DNAH7: variants seen among roughly 807,000 people sequenced by gnomAD.
The protein encoded by DNAH7 is dynein axonemal heavy chain 7, also known as axonemal beta dynein heavy chain 7.
DNAH7 carries 397 observed loss-of-function variants against 444.6 expected under a neutral mutation model. That is an observed-to-expected ratio of 0.89 (90% CI 0.82 to 0.97). The LOEUF is 0.97. Ranked by LOEUF, DNAH7 falls within the 50% of genes least tolerant of loss-of-function variation. DNAH7 has a pLI of 0.00. For missense variants in DNAH7, 4,902 were observed against 4,800.8 expected (o/e 1.02, Z -0.62); for synonymous variants, 1,636 against 1,624.4 (o/e 1.01, Z -0.17).
At chr2:195,745,419 G>T (rs1194217895) in intron 63 of DNAH7, among the ~76,000 whole-genome samples, 1 of 152,178 alleles carries the variant, frequency 6.6e-6, no homozygotes, top group Non-Finnish European at 1.5e-5. Context: ...GAACCAAGTT[G>T]GAAAACACTC....
At chr2:195,945,675 C>T (rs777384451) in intron 19 of DNAH7, among the ~76,000 whole-genome samples, 7 of 151,882 alleles carry the variant, frequency 4.6e-5, no homozygotes, top group Non-Finnish European at 8.8e-5. Flanking sequence ...ACATTTACTA[C>T]AGTAAAGAAA....
chr2:196,037,863 T>C (rs1696492720), intron 5 of DNAH7, among the ~76,000 whole-genome samples: 1 of 151,974 alleles, frequency 6.6e-6, no homozygotes, highest in Non-Finnish European at 1.5e-5. Context: ...AGAAGAGATA[T>C]AAACATCTAG....
intron 5 of DNAH7, among the ~76,000 whole-genome samples, chr2:196,030,797 C>T (rs557649083): frequency 6.6e-6 from 1 of 152,350 alleles, no homozygotes; most frequent in East Asian, 1.9e-4. Flanking sequence ...GGTGGGTTCC[C>T]ATGGTCTTGG....
intron 57 of DNAH7, among the ~76,000 whole-genome samples, chr2:195,792,973 A>T (rs1216699135): frequency 1.3e-5 from 2 of 152,120 alleles, no homozygotes; most frequent in African/African-American, 4.8e-5. Flanking sequence ...TCTGTCACCC[A>T]GGCTGGAGTG....
chr2:195,756,983 C>T (rs762965602), intron 61 of DNAH7, among the ~76,000 whole-genome samples: 138 of 151,428 alleles, frequency 9.1e-4, no homozygotes, highest in Non-Finnish European at 1.8e-3. Context: ...CAAAGTGAGA[C>T]CCTGTCTCAA....
chr2:195,874,231 A>G (rs536975718), intron 38 of DNAH7, among the ~76,000 whole-genome samples: 2 of 152,254 alleles, frequency 1.3e-5, no homozygotes, highest in African/African-American at 4.8e-5. Context: ...GGCTGCTTGC[A>G]TCTTTAAAAA....
At chr2:195,838,056 A>G (rs1373568950) in intron 47 of DNAH7, among the ~76,000 whole-genome samples, 2 of 152,210 alleles carry the variant, frequency 1.3e-5, no homozygotes, top group Non-Finnish European at 2.9e-5. Context: ...AGCATATCAG[A>G]GGCTTTAAAC....
chr2:195,849,855 A>G (rs1559143240), intron 46 of DNAH7, among the ~76,000 whole-genome samples: 2 of 152,130 alleles, frequency 1.3e-5, no homozygotes, highest in Admixed American at 1.3e-4. Context: ...GGCACACCTC[A>G]GCCTCCCAAC....
chr2:195,855,828 C>A lies in DNAH7; in HGVS notation c.8578G>T (p.Ala2860Ser), dbSNP rs974806780. 1.9e-6 allele frequency: 3 copies of A among 1,613,294 alleles called. No individual in the cohort carries two copies. Among genetic ancestry groups the A allele is most frequent in the Non-Finnish European group, 8.5e-7 (1 of 1,179,670 alleles). ...DTLELNKQKK[A>S]DLENQVDLCS... ...GCACACACCTGGTTTTCCAGGTCAG[C>A]CTTCTTTTGTTTATTTAATTCAAGT... is the stretch of plus-strand genomic sequence containing the variant. The change falls in exon 45 of 65, where the codon GCT becomes TCT. Residue 2860 changes from alanine (A) to serine (S), a missense_variant. Ala to Ser is a moderately conservative substitution (Grantham distance 99, BLOSUM62 1). Coordinates refer to ENST00000312428, the MANE Select transcript of DNAH7 (RefSeq NM_018897.3).
intron 19 of DNAH7, among the ~76,000 whole-genome samples, chr2:195,943,250 C>G (rs1324881644): frequency 6.6e-6 from 1 of 152,124 alleles, no homozygotes; most frequent in Non-Finnish European, 1.5e-5. Flanking sequence ...CGAACATACA[C>G]AGATAGAGCA....
At position 195,817,795 on chromosome 2, in the gene DNAH7, C is replaced by T; in HGVS notation, c.9326G>A (p.Gly3109Glu). 1 of 1,607,666 alleles carries T rather than the reference C, an allele frequency of 6.2e-7. No homozygotes were observed. Among genetic ancestry groups the T allele is most frequent in the Non-Finnish European group, 8.5e-7 (1 of 1,177,860 alleles). The part of the protein sequence containing the change: ...TLLNFMITPE[G>E]MQDQLLGIVV... Reference sequence around the variant, plus strand: ...AATTCCCAGAAGCTGATCTTGCATTCCCTCAGGGGTTATCATGAAGTTTAA... The same window carrying T: ...AATTCCCAGAAGCTGATCTTGCATTTCCTCAGGGGTTATCATGAAGTTTAA... The change falls in exon 50 of 65, where the codon GGA becomes GAA. Residue 3109 changes from glycine to glutamate, a missense_variant. By Grantham distance (98) the Gly-to-Glu change is moderately conservative (BLOSUM62 -2). Transcript: ENST00000312428.
chr2:195,958,173 TC>T (rs1211693019), intron 18 of DNAH7, among the ~76,000 whole-genome samples: 1 of 151,872 alleles, frequency 6.6e-6, no homozygotes, highest in African/African-American at 2.4e-5. Context: ...TAACACCCTC[TC>T]CCCCTCTTCT....
At chr2:195,952,624 G>A (rs538835516) in intron 19 of DNAH7, among the ~76,000 whole-genome samples, 62 of 151,850 alleles carry the variant, frequency 4.1e-4, no homozygotes, top group Non-Finnish European at 5.9e-4. Context: ...GGCTTTGTTC[G>A]TTCCTTTTCA....
chr2:195,842,125 CAG>C (rs1307465517), intron 47 of DNAH7, among the ~76,000 whole-genome samples: 1 of 151,978 alleles, frequency 6.6e-6, no homozygotes, highest in African/African-American at 2.4e-5. Context: ...TTTTAAAAAG[CAG>C]AGTTATATCA....
At chr2:195,954,276 T>C (rs565428735) in intron 19 of DNAH7, among the ~76,000 whole-genome samples, 245 of 152,302 alleles carry the variant, frequency 1.6e-3, no homozygotes, top group Non-Finnish European at 2.7e-3. Flanking sequence ...GAACATGTGG[T>C]GTTTGGTTTC....
intron 12 of DNAH7, among the ~76,000 whole-genome samples, chr2:195,988,869 C>G (rs1693102143): frequency 6.6e-6 from 1 of 152,108 alleles, no homozygotes; most frequent in Non-Finnish European, 1.5e-5. Flanking sequence ...CTCTGGTAAC[C>G]ACTACTCTAC....
At chr2:195,941,836 T>C (rs536252587) in intron 19 of DNAH7, among the ~76,000 whole-genome samples, 22 of 152,302 alleles carry the variant, frequency 1.4e-4, no homozygotes, top group African/African-American at 5.1e-4. Context: ...TTAGATTCAA[T>C]GTATTTCTAG....
At chr2:195,981,094 T>C (rs927895094) in intron 15 of DNAH7, among the ~76,000 whole-genome samples, 1 of 152,128 alleles carries the variant, frequency 6.6e-6, no homozygotes, top group Non-Finnish European at 1.5e-5. Flanking sequence ...TGAAAAATCC[T>C]AGAGACTCCA....
At chr2:195,812,755 A>G (rs1011323057) in intron 51 of DNAH7, among the ~76,000 whole-genome samples, 6 of 152,186 alleles carry the variant, frequency 3.9e-5, no homozygotes, top group African/African-American at 1.2e-4. Flanking sequence ...CAGGTTGGCT[A>G]GTGTTAATAG....
Sources: allele counts gnomAD v4.1 joint callset (sites outside exome capture counted in the v4.1 genomes callset), GRCh38; gene constraint gnomAD v4.1.1; transcripts MANE v1.5; gene names NCBI Gene and HGNC (gene_info 2026-07-23, HGNC 2026-07-21).